The following UBAP2L variants were observed in gnomAD, a reference collection of about 807,000 sequenced individuals.
The protein encoded by UBAP2L is ubiquitin-associated protein 2-like.
Under a neutral mutation model 130.6 loss-of-function variants are expected in UBAP2L, and 12 were observed. That is an observed-to-expected ratio of 0.09 (90% CI 0.06 to 0.15). The LOEUF (loss-of-function observed/expected upper bound fraction) is 0.15. Ranked by LOEUF, UBAP2L falls within the 10% of genes least tolerant of loss-of-function variation. UBAP2L has a pLI of 1.00. For synonymous variants in UBAP2L, 503 were observed against 524.7 expected, an observed-to-expected ratio of 0.96 and a Z score of 0.57; for missense variants, 965 against 1,332.5, an observed-to-expected ratio of 0.72 and a Z score of 4.29.
chr1:154,270,446 C>T lies in UBAP2L; in HGVS notation c.*151C>T, dbSNP rs1327066363. On this transcript the variant is annotated 3_prime_UTR_variant, in exon 27 of 27. Transcript: ENST00000428931. The stretch of plus-strand genomic sequence containing the variant: ...CCCATGCCTCAGCTTCATGTCTGTC[C>T]CATTCCTATACCATCCCCACCCTGT... The T allele has an allele frequency of 3.9e-6, 6 of 1,533,836 alleles. No individual in the cohort carries two copies. The highest frequency in any genetic ancestry group is 1.2e-5 in the South Asian group (1 of 82,882).
rs543953280 is a variant in UBAP2L, at chr1:154,263,403, G to A, written c.2902+1706G>A. On this transcript the variant is annotated intron_variant, in intron 24 of 26. Transcript: ENST00000428931. ...GGTGCAGCACCTTCGAAGCATCAATGCACACACCTGCTGTTGCTTTTGATT... is the reference window on the plus strand; with the variant it reads ...GGTGCAGCACCTTCGAAGCATCAATACACACACCTGCTGTTGCTTTTGATT... 8.7e-4 allele frequency: 1,105 copies of A among 1,266,906 alleles called. 5 individuals carry two copies. The highest frequency in any genetic ancestry group is 6.0e-3 in the Middle Eastern group (20 of 3,316). The allele number at this position is 1,266,906 out of a possible 1,614,324, so 78.5% of individuals were successfully genotyped here. A position where few individuals can be genotyped will look rare whatever the true frequency, so the allele number is the denominator to read the frequency against.
At chr1:154,267,983 G>A (rs1199054716) in intron 25 of UBAP2L, among the ~76,000 whole-genome samples, 7 of 140,712 alleles carry the variant, frequency 5.0e-5, no homozygotes, top group South Asian at 2.2e-4. Flanking sequence ...TCCGCCTCTC[G>A]GGTTCAAGCG....
At chr1:154,225,342 G>T in intron 2 of UBAP2L, 129 bp downstream of exon 2, 1 of 995,480 alleles carries the variant, frequency 1.0e-6, no homozygotes, top group Non-Finnish European at 1.5e-6. Flanking sequence ...CTAGTCCTTG[G>T]CTCTTTTTTT....
intron 1 of UBAP2L, among the ~76,000 whole-genome samples, chr1:154,223,523 A>AT (rs5777892): frequency 6.0e-5 from 9 of 149,240 alleles, no homozygotes; most frequent in East Asian, 2.0e-4. Flanking sequence ...TTGGTTAAAC[A>AT]TTTTTTTTTT....
chr1:154,261,844 G>C (rs1681650352), intron 24 of UBAP2L, 147 bp downstream of exon 24: 1 of 733,012 alleles, frequency 1.4e-6, no homozygotes, highest in East Asian at 2.7e-5. Flanking sequence ...GCTGACTTGG[G>C]TATCTGTGGG....
At chr1:154,233,741 C>T (rs1189577520) in intron 4 of UBAP2L, among the ~76,000 whole-genome samples, 3 of 150,950 alleles carry the variant, frequency 2.0e-5, no homozygotes, top group Non-Finnish European at 4.4e-5. Context: ...GAGAACGTGC[C>T]CAAGAGTAGA....
intron 25 of UBAP2L, among the ~76,000 whole-genome samples, chr1:154,267,906 T>TTTTTTTTTTTTTTG (rs1683806354): frequency 7.4e-6 from 1 of 135,896 alleles, no homozygotes; most frequent in African/African-American, 2.8e-5. Flanking sequence ...TTTTTTTTTT[T>TTTTTTTTTTTTTTG]GAGACGGAGT....
Position 154,246,235 on chromosome 1 carries a change from C to G in UBAP2L, c.874C>G (p.Pro292Ala). The change falls in exon 11 of 27, where the codon CCA becomes GCA. Residue 292 changes from proline (P) to alanine (A), a missense_variant. Around this residue, in one of 9 missense-constraint regions of UBAP2L, gnomAD observed 99 missense variants for 106.4 expected, o/e 0.93. Coordinates refer to ENST00000428931, the MANE Select transcript of UBAP2L (RefSeq NM_014847.4). Reference protein sequence around the residue: ...IDLAVLLGKTPSTMENDSSNL... With the variant: ...IDLAVLLGKTASTMENDSSNL... ...CCTTGCTGTTCTGCTGGGGAAGACA[C>G]CATCTACAATGGAGAATGATTCATC... 1.2e-6 allele frequency: 2 copies of G among 1,612,994 alleles called. No homozygotes were observed. The highest frequency in any genetic ancestry group is 1.7e-6 in the Non-Finnish European group (2 of 1,179,320).
chr1:154,233,404 A>AACCTCC lies in UBAP2L; in HGVS notation c.280-1180_280-1175dup, dbSNP rs551107113. ...GTGTGGTGCGATCTTGCGTCATTGC[A>AACCTCC]ACCTCCACCTCCCAGGTTCAAGCAG... On this transcript the variant is annotated intron_variant, in intron 4 of 26. Transcript: ENST00000428931. Among the ~76,000 whole-genome samples, 653 of 151,242 alleles carry AACCTCC rather than the reference A, an allele frequency of 4.3e-3. 4 individuals carry two copies. Among genetic ancestry groups the AACCTCC allele is most frequent in the African/African-American group, 0.015 (624 of 41,162 alleles).
intron 14 of UBAP2L, among the ~76,000 whole-genome samples, chr1:154,253,013 T>C (rs1678312592): frequency 6.6e-6 from 1 of 152,110 alleles, no homozygotes; most frequent in Admixed American, 6.6e-5. Context: ...TAGCCACTTT[T>C]TTATTTTGAG....
At chr1:154,254,980 T>G (rs1679139994) in intron 16 of UBAP2L, 90 bp downstream of exon 16, 1 of 1,481,700 alleles carries the variant, frequency 6.7e-7, no homozygotes, top group East Asian at 2.3e-5. Flanking sequence ...ACTGGACAAT[T>G]GAGACCCATG....
At chr1:154,241,466 C>T (rs1465091344) in intron 8 of UBAP2L, 47 bp from the exon 9 acceptor site, 6 of 1,575,326 alleles carry the variant, frequency 3.8e-6, no homozygotes, top group South Asian at 1.1e-5. Flanking sequence ...ATGCTTTGTA[C>T]TGGCATTTAA....
chr1:154,244,087 G>T (rs1045934826), intron 10 of UBAP2L, among the ~76,000 whole-genome samples: 2 of 152,114 alleles, frequency 1.3e-5, no homozygotes, highest in Admixed American at 1.3e-4. Flanking sequence ...TAAATCTCTA[G>T]GGATCAGTGG....
intron 21 of UBAP2L, 31 bp from the exon 22 acceptor site, chr1:154,259,917 A>C (rs552523908): frequency 1.3e-6 from 2 of 1,598,990 alleles, no homozygotes; most frequent in African/African-American, 2.7e-5. Flanking sequence ...AGTGACATTG[A>C]ATCTCTGCTC....
intron 16 of UBAP2L, 111 bp downstream of exon 16, chr1:154,255,001 C>A: frequency 7.0e-7 from 1 of 1,436,546 alleles, no homozygotes; most frequent in Non-Finnish European, 9.4e-7. Flanking sequence ...CTGTGTAATT[C>A]TCAGCATTAA....
chr1:154,235,730 G>A (rs1467134061), intron 6 of UBAP2L, among the ~76,000 whole-genome samples: 2 of 152,090 alleles, frequency 1.3e-5, no homozygotes, highest in East Asian at 1.9e-4. Flanking sequence ...GGCTGGCCTC[G>A]AACTCCTGAC....
rs766588520 is a variant in UBAP2L at position 154,249,316 on chromosome 1, G to A, written c.1092G>A (p.Glu364=). The A allele has an allele frequency of 7.4e-6, 12 of 1,614,048 alleles. No individual in the cohort carries two copies. The South Asian group carries it at 1.3e-4, about 18-fold the overall frequency. The change falls in exon 12 of 27, where the codon GAG becomes GAA. Residue 364 remains glutamate (E), a synonymous_variant. Coordinates refer to ENST00000428931, the MANE Select transcript of UBAP2L (RefSeq NM_014847.4). ...GTACTACAGGCTCCCAGTTCTTGGA[G>A]CAATTCAAGACTGCCCAAGCCCTGG... ...GGSTTGSQFL[E]QFKTAQALAQ... is the part of the protein sequence containing the mutation.
intron 10 of UBAP2L, among the ~76,000 whole-genome samples, chr1:154,244,133 G>A (rs559441826): frequency 3.3e-5 from 5 of 152,102 alleles, no homozygotes; most frequent in Non-Finnish European, 5.9e-5. Context: ...TTTTTAATTC[G>A]CTGGAAACCT....
rs746378930 is a variant in UBAP2L at position 154,241,544 on chromosome 1, G to C, written c.735G>C (p.Gly245=). ...GGAGGACTGCAACAGAGGAGTGGGG[G>C]ACTGAAGATTGGAATGAAGATGTAG... is the stretch of plus-strand genomic sequence containing the variant. ...SAWRTATEEW[G]TEDWNEDLSE... Residue 245 remains glycine, a synonymous_variant, in exon 9 of 27, where the codon GGG becomes GGC. Coordinates refer to ENST00000428931, the MANE Select transcript of UBAP2L (RefSeq NM_014847.4). 2 of 1,613,958 alleles carry C rather than the reference G, an allele frequency of 1.2e-6. No homozygotes were observed. The highest frequency in any genetic ancestry group is 2.2e-5 in the South Asian group (2 of 91,076).
Sources: gnomAD v4.1 joint callset for allele counts (sites outside exome capture counted in the v4.1 genomes callset) on GRCh38, gnomAD v4.1.1 for gene constraint, gnomAD v4.1.1 regional missense constraint, MANE v1.5 for transcripts, NCBI Gene and HGNC (gene_info 2026-07-23, HGNC 2026-07-21) for gene names.